CHUK: variants seen among roughly 807,000 people sequenced by gnomAD.
CHUK encodes the protein component of inhibitor of nuclear factor kappa B kinase complex.
Under a neutral mutation model 104.8 loss-of-function variants are expected in CHUK, and 35 were observed. The observed-to-expected ratio is 0.33, with a 90% CI of 0.26 to 0.44. The LOEUF (loss-of-function observed/expected upper bound fraction) is 0.44. Among genes scored for constraint, CHUK ranks in the 20% least tolerant of loss-of-function variants. The pLI, the probability that CHUK is intolerant of heterozygous loss-of-function variation, is 1.00. For synonymous variants in CHUK, 276 were observed against 291.9 expected (o/e 0.95, Z 0.56); for missense variants, 663 against 902.7 (o/e 0.73, Z 3.40).
intron 19 of CHUK, among the ~76,000 whole-genome samples, chr10:100,191,244 G>T (rs976188536): frequency 6.6e-6 from 1 of 152,182 alleles, no homozygotes; most frequent in Non-Finnish European, 1.5e-5. Flanking sequence ...ATGCACTTAT[G>T]TACAACTTGT....
intron 7 of CHUK, 42 bp downstream of exon 7, chr10:100,218,966 C>G: frequency 1.9e-6 from 3 of 1,609,718 alleles, no homozygotes; most frequent in Non-Finnish European, 2.5e-6. Context: ...GAAAAAATTT[C>G]CATTCCCATT....
chr10:100,208,539 C>T (rs983706493), intron 10 of CHUK, among the ~76,000 whole-genome samples: 1 of 152,062 alleles, frequency 6.6e-6, no homozygotes, highest in Non-Finnish European at 1.5e-5. Flanking sequence ...CAGTGGCTCA[C>T]GCCTGTAATC....
At chr10:100,207,554 C>A (rs975814449) in intron 10 of CHUK, among the ~76,000 whole-genome samples, 3 of 151,974 alleles carry the variant, frequency 2.0e-5, no homozygotes, top group African/African-American at 7.2e-5. Context: ...ACCCAAAGAA[C>A]AAATGCAAAA....
At chr10:100,196,188 A>G (rs947611406) in intron 16 of CHUK, among the ~76,000 whole-genome samples, 1 of 152,202 alleles carries the variant, frequency 6.6e-6, no homozygotes, top group African/African-American at 2.4e-5. Context: ...TACAACTTCT[A>G]TCACTTAAAT....
chr10:100,193,076 T>C, intron 19 of CHUK: 1 of 575,478 alleles, frequency 1.7e-6, no homozygotes, highest in Non-Finnish European at 3.1e-6. Context: ...ATATACATTG[T>C]CTAATCAAAT....
chr10:100,226,040 G>T, intron 1 of CHUK, 23 bp from the exon 2 acceptor site: 1 of 1,307,996 alleles, frequency 7.6e-7, no homozygotes, highest in Non-Finnish European at 1.1e-6. Context: ...AAAATCAACA[G>T]AAAAAAAAAA....
Position 100,199,963 on chromosome 10 carries a change from T to C in CHUK, c.1729+8A>G. On this transcript the variant is annotated splice_region_variant and intron_variant, in intron 16 of 20. Coordinates refer to ENST00000370397, the MANE Select transcript of CHUK (RefSeq NM_001278.5). ...ATGCCTTCAAGCACTGTGGTAGAAG[T>C]GTCTTACCTGAAGGTCTGTGTTTTA... 6.2e-7 allele frequency: 1 copy of C among 1,602,854 alleles called. No individual in the cohort carries two copies. The highest frequency in any genetic ancestry group is 8.5e-7 in the Non-Finnish European group (1 of 1,169,858).
intron 1 of CHUK, among the ~76,000 whole-genome samples, chr10:100,227,315 G>A (rs756111255): frequency 4.6e-5 from 7 of 152,166 alleles, no homozygotes; most frequent in Non-Finnish European, 7.3e-5. Context: ...GTACAACAAC[G>A]TCAATGTACT....
At chr10:100,193,151 CAAGT>C (rs1845243131) in intron 19 of CHUK, 143 bp downstream of exon 19, 2 of 865,404 alleles carry the variant, frequency 2.3e-6, no homozygotes, top group Non-Finnish European at 3.8e-6. Flanking sequence ...TCAAAAAAGT[CAAGT>C]AAGTTGCCTA....
intron 15 of CHUK, 140 bp from the exon 16 acceptor site, chr10:100,200,160 T>C (rs1589580642): frequency 5.3e-6 from 4 of 757,654 alleles, no homozygotes; most frequent in African/African-American, 1.7e-5. Context: ...TCACAGAGCA[T>C]TGTATTGAGT....
Position 100,189,442 on chromosome 10 carries a change from T to G in CHUK, c.*156A>C, listed in dbSNP as rs1398013091. 1.5e-6 allele frequency: 1 copy of G among 666,016 alleles called. No homozygotes were observed. The highest frequency in any genetic ancestry group is 1.8e-5 in the African/African-American group (1 of 55,444). The allele number at this position is 666,016 out of a possible 1,614,324, so 41.3% of individuals were successfully genotyped here. On this transcript the variant is annotated 3_prime_UTR_variant, in exon 21 of 21. Transcript: ENST00000370397. Reference sequence around the variant, plus strand: ...ACTCAAAACTGTTATACTTGTAAAATCATGTTCTTCTGATCATAGTAGAAA... The same window carrying G: ...ACTCAAAACTGTTATACTTGTAAAAGCATGTTCTTCTGATCATAGTAGAAA...
At chr10:100,211,087 AT>A (rs1319678291) in intron 9 of CHUK, among the ~76,000 whole-genome samples, 3 of 152,138 alleles carry the variant, frequency 2.0e-5, no homozygotes, top group African/African-American at 7.2e-5. Context: ...GTCCACTATT[AT>A]TTTTTTCCCT....
Position 100,190,948 on chromosome 10 carries a change from A to G in CHUK, c.2129T>C (p.Ile710Thr), listed in dbSNP as rs764155642. 3 of 1,609,282 alleles carry G rather than the reference A, an allele frequency of 1.9e-6. No individual in the cohort carries two copies. The highest frequency in any genetic ancestry group is 2.6e-6 in the Non-Finnish European group (3 of 1,175,690). ...PQDGETSAQM[I>T]EENLNCLGHL... The stretch of plus-strand genomic sequence containing the variant: ...GCCAAGGCAGTTCAAATTTTCTTCT[A>G]TCATTTGTGCTGAAGTCTCCCTGTG... The change falls in exon 20 of 21, where the codon ATA becomes ACA. Residue 710 changes from isoleucine to threonine, a missense_variant. By Grantham distance (89) the Ile-to-Thr change is moderately conservative. Coordinates refer to ENST00000370397, the MANE Select transcript of CHUK (RefSeq NM_001278.5).
chr10:100,218,615 A>T, intron 8 of CHUK, 103 bp downstream of exon 8: 3 of 796,962 alleles, frequency 3.8e-6, no homozygotes, highest in Non-Finnish European at 6.6e-6. Flanking sequence ...ATCATCACAG[A>T]AAGTTCTACT....
At chr10:100,220,481 A>G in intron 5 of CHUK, 107 bp downstream of exon 5, 1 of 817,746 alleles carries the variant, frequency 1.2e-6, no homozygotes. Context: ...AAATGGAAAA[A>G]GTAAGACTGT....
Position 100,229,449 on chromosome 10 carries a change from G to A in CHUK, c.84C>T (p.Asn28=), listed in dbSNP as rs1267084270. Residue 28 remains asparagine, a synonymous_variant, in exon 1 of 21, where the codon AAC becomes AAT. Coordinates refer to ENST00000370397, the MANE Select transcript of CHUK (RefSeq NM_001278.5). ...RERLGTGGFG[N]VCLYQHRELD... ...TCACCCGATGCTGGTACAGACAGAC[G>A]TTCCCGAAGCCGCCGGTGCCCAGCC... 3.1e-6 allele frequency: 5 copies of A among 1,602,400 alleles called. No individual in the cohort carries two copies. In the Admixed American group the frequency reaches 6.7e-5, roughly 22 times the overall value.
At position 100,204,637 on chromosome 10, in the gene CHUK, T is replaced by C; in HGVS notation, c.1376A>G (p.Asn459Ser). The C allele has an allele frequency of 6.2e-7, 1 of 1,611,314 alleles. No homozygotes were observed. The highest frequency in any genetic ancestry group is 8.5e-7 in the Non-Finnish European group (1 of 1,177,894). The change falls in exon 13 of 21, where the codon AAT becomes AGT. Residue 459 changes from asparagine to serine, a missense_variant. By Grantham distance (46) the Asn-to-Ser change is conservative. Coordinates refer to ENST00000370397, the MANE Select transcript of CHUK (RefSeq NM_001278.5). ...RAAMLSLLRY[N>S]ANLTKMKNTL... is the part of the protein sequence containing the mutation. ...GTTCTTCATTTTTGTTAAGTTAGCATTATATCTAAGAAGACTTAACCTAAA... is the reference window on the plus strand; with the variant it reads ...GTTCTTCATTTTTGTTAAGTTAGCACTATATCTAAGAAGACTTAACCTAAA...
chr10:100,193,284 C>G lies in CHUK; in HGVS notation c.2108+14G>C, dbSNP rs759473483. 36 of 1,613,788 alleles carry G rather than the reference C, an allele frequency of 2.2e-5. No homozygotes were observed. The highest frequency in any genetic ancestry group is 3.0e-5 in the Non-Finnish European group (35 of 1,179,854). ...ATGAAAACACAGCTATCTATTGTTA[C>G]AAAGTAAACCCACCCATCTTGAGGA... On this transcript the variant is annotated intron_variant, in intron 19 of 20. Transcript: ENST00000370397.
rs144840341 is a variant in CHUK at position 100,188,566 on chromosome 10, A to G, written c.*1032T>C. 6.5e-6 allele frequency: 1 copy of G among 152,752 alleles called. No individual in the cohort carries two copies. Among genetic ancestry groups the G allele is most frequent in the African/African-American group, 2.4e-5 (1 of 41,574 alleles). The allele number at this position is 152,752 out of a possible 1,614,324, so 9.5% of individuals were successfully genotyped here. ...AGAAAAGTAGTTTTGTGCATATACCATACTACATTAACCAGCCCTCACCAC... is the reference window on the plus strand; with the variant it reads ...AGAAAAGTAGTTTTGTGCATATACCGTACTACATTAACCAGCCCTCACCAC... On this transcript the variant is annotated 3_prime_UTR_variant, in exon 21 of 21. Transcript: ENST00000370397.
Sources: gnomAD v4.1 joint callset for allele counts (sites outside exome capture counted in the v4.1 genomes callset) on GRCh38, gnomAD v4.1.1 for gene constraint, MANE v1.5 for transcripts, NCBI Gene and HGNC (gene_info 2026-07-23, HGNC 2026-07-21) for gene names.